The following COL25A1 variants were observed in gnomAD, a reference collection of about 807,000 sequenced individuals.
COL25A1 encodes the protein collagen type XXV alpha 1 chain.
In COL25A1, 103 loss-of-function variants were observed where a neutral mutation model predicts 128.4. That is an observed-to-expected ratio of 0.80 (90% CI 0.68 to 0.94). The LOEUF is 0.94. Ranked by LOEUF, COL25A1 falls within the 40% of genes least tolerant of loss-of-function variation. COL25A1 has a pLI of 0.00. For synonymous variants in COL25A1, 279 were observed against 277.2 expected, an observed-to-expected ratio of 1.01 and a Z score of -0.06; for missense variants, 745 against 840.0, an observed-to-expected ratio of 0.89 and a Z score of 1.40.
chr4:108,872,102 C>A (rs1434127533), intron 19 of COL25A1, among the ~76,000 whole-genome samples: 2 of 152,160 alleles, frequency 1.3e-5, no homozygotes, highest in Non-Finnish European at 2.9e-5. Context: ...TTCATCCCTT[C>A]ATGAATACAC....
chr4:109,032,029 G>A (rs547994350), intron 5 of COL25A1, among the ~76,000 whole-genome samples: 5 of 152,056 alleles, frequency 3.3e-5, no homozygotes, highest in Non-Finnish European at 7.4e-5. Context: ...CATGCTCCTT[G>A]AACAGCTAAC....
At chr4:109,283,743 C>T (rs1723608721) in intron 3 of COL25A1, among the ~76,000 whole-genome samples, 1 of 152,114 alleles carries the variant, frequency 6.6e-6, no homozygotes, top group Admixed American at 6.5e-5. Context: ...ACGTTTCTTC[C>T]CCTTCTCTTC....
chr4:108,826,041 T>C (rs1732339615), intron 33 of COL25A1, among the ~76,000 whole-genome samples: 1 of 152,192 alleles, frequency 6.6e-6, no homozygotes, highest in Non-Finnish European at 1.5e-5. Context: ...CATCTTTTTT[T>C]TGATTTAGCA....
At chr4:109,300,289 A>C (rs766228509) in intron 3 of COL25A1, among the ~76,000 whole-genome samples, 1 of 152,306 alleles carries the variant, frequency 6.6e-6, no homozygotes, top group African/African-American at 2.4e-5. Context: ...ATTTAATTGA[A>C]GAATATTTTT....
intron 3 of COL25A1, among the ~76,000 whole-genome samples, chr4:109,172,697 G>A (rs564530392): frequency 3.4e-4 from 52 of 152,300 alleles, no homozygotes; most frequent in Non-Finnish European, 6.9e-4. Flanking sequence ...GAAAGTTTCT[G>A]TAATGCAATT....
At position 109,271,210 on chromosome 4, in the gene COL25A1, G is replaced by A. The variant is rs181491964; in HGVS notation, c.367+29373C>T. 3.9e-5 allele frequency among the ~76,000 whole-genome samples: 6 copies of A among 152,116 alleles called. No homozygotes were observed. In the East Asian group the frequency reaches 1.2e-3, roughly 29 times the overall value. ...TATTGTTACACAAAAATACTTAGCT[G>A]CAAATTTCCTAGTAATGTAGAAAAG... On this transcript the variant is annotated intron_variant, in intron 3 of 37. Coordinates refer to ENST00000399132, the MANE Select transcript of COL25A1 (RefSeq NM_198721.4).
At chr4:109,289,639 TAA>T (rs563635306) in intron 3 of COL25A1, among the ~76,000 whole-genome samples, 75 of 151,948 alleles carry the variant, frequency 4.9e-4, no homozygotes, top group Non-Finnish European at 1.0e-3. Flanking sequence ...GTAATCCAGG[TAA>T]AGTGTCATCA....
At chr4:109,235,547 T>TACACACAC (rs58377954) in intron 3 of COL25A1, among the ~76,000 whole-genome samples, 43 of 150,032 alleles carry the variant, frequency 2.9e-4, no homozygotes, top group Admixed American at 7.3e-4. Context: ...CACACACGAA[T>TACACACAC]ACACACACAC....
chr4:108,950,233 T>C (rs1749251617), intron 8 of COL25A1, among the ~76,000 whole-genome samples: 1 of 152,034 alleles, frequency 6.6e-6, no homozygotes, highest in South Asian at 2.1e-4. Context: ...AGAAAGACAC[T>C]CCACCAAACT....
At chr4:109,279,119 G>T (rs1192224705) in intron 3 of COL25A1, among the ~76,000 whole-genome samples, 1 of 147,466 alleles carries the variant, frequency 6.8e-6, no homozygotes, top group East Asian at 2.0e-4. Flanking sequence ...TGGGCGGGGG[G>T]ATGGGGGAAG....
chr4:109,105,002 G>A (rs1250831197), intron 3 of COL25A1, among the ~76,000 whole-genome samples: 2 of 152,148 alleles, frequency 1.3e-5, no homozygotes, highest in South Asian at 2.1e-4. Flanking sequence ...ATATTGAAAT[G>A]CCTGCATATG....
intron 11 of COL25A1, among the ~76,000 whole-genome samples, chr4:108,929,816 A>G (rs746170455): frequency 1.1e-4 from 17 of 152,152 alleles, no homozygotes; most frequent in Non-Finnish European, 2.4e-4. Context: ...ACAGAGCAAG[A>G]CCCTGTCTCT....
intron 3 of COL25A1, among the ~76,000 whole-genome samples, chr4:109,232,608 A>G (rs575004721): frequency 5.9e-5 from 9 of 152,184 alleles, no homozygotes; most frequent in Non-Finnish European, 1.2e-4. Context: ...ACAACACAAA[A>G]TATATCCATT....
intron 3 of COL25A1, among the ~76,000 whole-genome samples, chr4:109,185,801 T>C (rs1775079030): frequency 6.6e-6 from 1 of 152,036 alleles, no homozygotes; most frequent in Non-Finnish European, 1.5e-5. Context: ...CCTCTCTGCC[T>C]TTCTTCCTCT....
chr4:108,909,013 C>G (rs1017152336), intron 13 of COL25A1, among the ~76,000 whole-genome samples: 2 of 152,170 alleles, frequency 1.3e-5, no homozygotes, highest in South Asian at 4.1e-4. Flanking sequence ...ATGTAAGTTG[C>G]AAATCTTATG....
At chr4:108,955,091 T>C (rs6851216) in intron 8 of COL25A1, among the ~76,000 whole-genome samples, 6,622 of 152,106 alleles carry the variant, frequency 0.044, 368 homozygotes, top group African/African-American at 0.13. Flanking sequence ...ACATATGTGG[T>C]TAAAAAATTA....
At chr4:108,999,273 A>G (rs1006584308) in intron 6 of COL25A1, among the ~76,000 whole-genome samples, 1 of 152,246 alleles carries the variant, frequency 6.6e-6, no homozygotes, top group African/African-American at 2.4e-5. Context: ...TTGCAAGAAA[A>G]AAACAAACAA....
intron 5 of COL25A1, among the ~76,000 whole-genome samples, chr4:109,013,485 C>T (rs1323983111): frequency 4.1e-5 from 2 of 49,034 alleles, no homozygotes; most frequent in Non-Finnish European, 6.3e-5. Context: ...AGTCCCCTTC[C>T]ACACTGTGTA....
At chr4:109,132,855 T>G (rs771733886) in intron 3 of COL25A1, among the ~76,000 whole-genome samples, 2 of 152,158 alleles carry the variant, frequency 1.3e-5, no homozygotes, top group African/African-American at 4.8e-5. Flanking sequence ...CTTTGATTTT[T>G]CTACTTGCAA....
Sources: allele counts gnomAD v4.1 joint callset (sites outside exome capture counted in the v4.1 genomes callset), GRCh38; gene constraint gnomAD v4.1.1; transcripts MANE v1.5; gene names NCBI Gene and HGNC (gene_info 2026-07-23, HGNC 2026-07-21).